Variants in RPS6KA5 observed in about 807,000 individuals in gnomAD.
RPS6KA5 encodes ribosomal protein S6 kinase A5, also known as ribosomal protein S6 kinase alpha-5.
A neutral mutation model predicts 85.5 loss-of-function variants in RPS6KA5; 27 were observed. The observed-to-expected ratio is 0.32, with a 90% CI of 0.23 to 0.44. RPS6KA5 has a LOEUF of 0.44. Among genes scored for constraint, RPS6KA5 ranks in the 20% least tolerant of loss-of-function variants. The pLI, the probability that RPS6KA5 is intolerant of heterozygous loss-of-function variation, is 1.00. For missense variants in RPS6KA5, 811 were observed against 980.9 expected (o/e 0.83, Z 2.31); for synonymous variants, 334 against 348.2 (o/e 0.96, Z 0.46).
intron 7 of RPS6KA5, among the ~76,000 whole-genome samples, chr14:90,915,618 C>T (rs1380704617): frequency 7.2e-5 from 11 of 152,024 alleles, no homozygotes; most frequent in Non-Finnish European, 1.2e-4. Flanking sequence ...ACCAGCCTGG[C>T]CAACATGGTG....
intron 4 of RPS6KA5, among the ~76,000 whole-genome samples, chr14:90,945,188 G>A (rs887714056): frequency 2.7e-5 from 4 of 150,746 alleles, no homozygotes; most frequent in Non-Finnish European, 5.9e-5. Flanking sequence ...GCAGGTTGAG[G>A]CTGCAGTGAG....
At position 90,943,132 on chromosome 14, in the gene RPS6KA5, A is replaced by G. The variant is rs775448706; in HGVS notation, c.564T>C (p.Asn188=). 9 of 1,612,760 alleles carry G rather than the reference A, an allele frequency of 5.6e-6. No individual in the cohort carries two copies. The highest frequency in any genetic ancestry group is 7.6e-6 in the Non-Finnish European group (9 of 1,179,034). ...IKLENILLDS[N]GHVVLTDFGL... is the part of the protein sequence containing the mutation. Reference sequence around the variant, plus strand: ...CAAAATCTGTCAGCACCACATGGCCATTAGAATCAAGTAGAATATTCTCAA... The same window carrying G: ...CAAAATCTGTCAGCACCACATGGCCGTTAGAATCAAGTAGAATATTCTCAA... The change falls in exon 5 of 17, where the codon AAT becomes AAC. Residue 188 remains asparagine, a synonymous_variant. Transcript: ENST00000614987.
chr14:90,947,983 T>C (rs1256940237), intron 3 of RPS6KA5, among the ~76,000 whole-genome samples: 1 of 152,208 alleles, frequency 6.6e-6, no homozygotes, highest in Non-Finnish European at 1.5e-5. Context: ...TGTAAACAGA[T>C]ACCCTATTTT....
intron 3 of RPS6KA5, among the ~76,000 whole-genome samples, chr14:90,970,359 T>G (rs933917192): frequency 4.6e-5 from 7 of 152,212 alleles, no homozygotes; most frequent in Non-Finnish European, 8.8e-5. Context: ...TTGCTCACCC[T>G]TACAATTATT....
At position 91,056,690 on chromosome 14, in the gene RPS6KA5, A is replaced by G. The variant is rs78049615; in HGVS notation, c.103+3642T>C. Among the ~76,000 whole-genome samples the G allele has an allele frequency of 3.9e-3, 589 of 152,262 alleles. 5 individuals are homozygous for G. The highest frequency in any genetic ancestry group is 7.2e-3 in the Non-Finnish European group (488 of 68,012). The stretch of plus-strand genomic sequence containing the variant: ...CATCTAAAATCGCACCCAGTATGTA[A>G]GAGGAAATAAAATACTTACTAAATA... On this transcript the variant is annotated intron_variant, in intron 1 of 16. Coordinates refer to ENST00000614987, the MANE Select transcript of RPS6KA5 (RefSeq NM_004755.4).
rs1012782406 is a variant in RPS6KA5 at position 90,850,613 on chromosome 14, T to A, written c.*21461A>T. ...AAAGTTCTTGAACAAAAGGTACACA[T>A]CAAAGTAGTGAGGTAGCAGCCCCCA... On this transcript the variant is annotated 3_prime_UTR_variant, in exon 17 of 17. Transcript: ENST00000614987. The A allele has an allele frequency of 6.6e-6, 1 of 152,168 alleles. No homozygotes were observed. Among genetic ancestry groups the A allele is most frequent in the African/African-American group, 2.4e-5 (1 of 41,440 alleles). The allele number at this position is 152,168 out of a possible 1,614,324, so 9.4% of individuals were successfully genotyped here.
At chr14:90,974,832 T>C (rs906238916) in intron 3 of RPS6KA5, among the ~76,000 whole-genome samples, 3 of 152,228 alleles carry the variant, frequency 2.0e-5, no homozygotes, top group African/African-American at 7.2e-5. Context: ...CATGGGATCA[T>C]GAGAAAATAA....
intron 1 of RPS6KA5, among the ~76,000 whole-genome samples, chr14:91,008,608 G>C (rs542166855): frequency 6.6e-6 from 1 of 152,330 alleles, no homozygotes; most frequent in South Asian, 2.1e-4. Flanking sequence ...TGTACTGGAA[G>C]AACAGCTGGG....
intron 7 of RPS6KA5, among the ~76,000 whole-genome samples, chr14:90,916,403 C>T (rs1003800957): frequency 1.2e-4 from 18 of 151,948 alleles, no homozygotes; most frequent in African/African-American, 3.9e-4. Flanking sequence ...ACAAAAATGG[C>T]GAACAGATAA....
intron 1 of RPS6KA5, among the ~76,000 whole-genome samples, chr14:91,033,781 C>G (rs145163461): frequency 8.5e-5 from 13 of 152,050 alleles, no homozygotes; most frequent in Middle Eastern, 3.4e-3. Flanking sequence ...AGGCATGTAT[C>G]TGAGAGAAAC....
chr14:90,938,459 T>C (rs2037396212), intron 5 of RPS6KA5, among the ~76,000 whole-genome samples: 1 of 152,216 alleles, frequency 6.6e-6, no homozygotes, highest in Non-Finnish European at 1.5e-5. Flanking sequence ...AGTGCCCCAG[T>C]AGGAACTCTG....
intron 3 of RPS6KA5, among the ~76,000 whole-genome samples, chr14:90,951,871 G>A (rs1236821571): frequency 6.6e-6 from 1 of 152,110 alleles, no homozygotes; most frequent in Non-Finnish European, 1.5e-5. Flanking sequence ...CGGACTGCGA[G>A]TATGGGAAGG....
chr14:90,874,257 C>T (rs935206959), intron 15 of RPS6KA5, among the ~76,000 whole-genome samples: 4 of 152,154 alleles, frequency 2.6e-5, no homozygotes, highest in Admixed American at 1.3e-4. Context: ...ATTATAACAT[C>T]AGGGATAAGT....
intron 1 of RPS6KA5, among the ~76,000 whole-genome samples, chr14:91,041,139 C>A (rs11847557): frequency 0.55 from 84,208 of 151,830 alleles, 23,426 homozygotes; most frequent in East Asian, 0.56. Flanking sequence ...AAGGGGAGAA[C>A]AACATGGAGT....
rs952029900 is a variant in RPS6KA5 at position 90,863,946 on chromosome 14, G to A, written c.*8128C>T. 1 of 152,168 alleles carries A rather than the reference G, an allele frequency of 6.6e-6. No individual in the cohort carries two copies. The allele number at this position is 152,168 out of a possible 1,614,324, so 9.4% of individuals were successfully genotyped here. A position where few individuals can be genotyped will look rare whatever the true frequency, so the allele number is the denominator to read the frequency against. ...ATAGCCAAAACTATTAGAACTATTA[G>A]ATAAAAGTTAGAGGTCTTACACTAC... On this transcript the variant is annotated 3_prime_UTR_variant, in exon 17 of 17. Transcript: ENST00000614987.
At chr14:90,975,928 AATAT>A (rs2039545027) in intron 3 of RPS6KA5, among the ~76,000 whole-genome samples, 1 of 152,228 alleles carries the variant, frequency 6.6e-6, no homozygotes, top group Non-Finnish European at 1.5e-5. Flanking sequence ...CTGTGGAATG[AATAT>A]GTTGTCCAGT....
intron 1 of RPS6KA5, among the ~76,000 whole-genome samples, chr14:91,044,291 GAGAAAGAGAGAGAA>G (rs1334430588): frequency 7.3e-5 from 9 of 123,940 alleles, no homozygotes; most frequent in African/African-American, 1.8e-4. Context: ...GAGAGAGAGA[GAGAAAGAGAGAGAA>G]AGAGAGAGAG....
At chr14:90,990,545 T>C (rs1049440571) in intron 2 of RPS6KA5, among the ~76,000 whole-genome samples, 1 of 152,154 alleles carries the variant, frequency 6.6e-6, no homozygotes, top group Non-Finnish European at 1.5e-5. Context: ...CAAAGGAATA[T>C]AAATCATTCT....
chr14:90,933,874 C>T (rs564382992), intron 5 of RPS6KA5, among the ~76,000 whole-genome samples: 8 of 152,310 alleles, frequency 5.3e-5, no homozygotes, highest in African/African-American at 1.7e-4. Flanking sequence ...ATAACCCCAC[C>T]TTAAAGGGCC....
Sources: gnomAD v4.1 joint callset for allele counts (sites outside exome capture counted in the v4.1 genomes callset) on GRCh38, gnomAD v4.1.1 for gene constraint, MANE v1.5 for transcripts, NCBI Gene and HGNC (gene_info 2026-07-23, HGNC 2026-07-21) for gene names.